The following USH2A variants were observed in gnomAD, a reference collection of about 807,000 sequenced individuals.
USH2A encodes usherin, also known as Usher syndrome 2A (autosomal recessive, mild).
Under a neutral mutation model 538.9 loss-of-function variants are expected in USH2A, and 443 were observed. The observed-to-expected ratio is 0.82, with a 90% confidence interval of 0.76 to 0.89. The LOEUF (loss-of-function observed/expected upper bound fraction) is 0.89. Among genes scored for constraint, USH2A ranks in the 40% least tolerant of loss-of-function variants. USH2A has a pLI of 0.00. For synonymous variants in USH2A, 2,413 were observed against 2,273.5 expected, an observed-to-expected ratio of 1.06 and a Z score of -1.75; for missense variants, 6,633 against 6,324.8, an observed-to-expected ratio of 1.05 and a Z score of -1.65.
chr1:215,896,189 C>T (rs6540916), intron 40 of USH2A, among the ~76,000 whole-genome samples: 62,375 of 151,846 alleles, frequency 0.41, 14,007 homozygotes, highest in African/African-American at 0.6. Flanking sequence ...GCCTCTTAGA[C>T]TAGTGGTTAA....
chr1:215,764,690 G>A (rs1389793494), intron 56 of USH2A, among the ~76,000 whole-genome samples: 1 of 152,024 alleles, frequency 6.6e-6, no homozygotes, highest in Admixed American at 6.6e-5. Flanking sequence ...AATTATATCT[G>A]ATGTACTTCG....
At chr1:215,984,606 G>T (rs1667828291) in intron 35 of USH2A, among the ~76,000 whole-genome samples, 1 of 152,052 alleles carries the variant, frequency 6.6e-6, no homozygotes, top group South Asian at 2.1e-4. Flanking sequence ...ATTTCCTAAG[G>T]TGCTCAATAG....
intron 3 of USH2A, among the ~76,000 whole-genome samples, chr1:216,382,420 A>G (rs1443800252): frequency 1.3e-5 from 2 of 152,174 alleles, no homozygotes; most frequent in African/African-American, 2.4e-5. Flanking sequence ...TAAAGACTAG[A>G]CAGCTCAGTG....
intron 24 of USH2A, among the ~76,000 whole-genome samples, chr1:216,086,316 T>A (rs577445231): frequency 5.9e-5 from 9 of 152,260 alleles, no homozygotes; most frequent in Non-Finnish European, 1.2e-4. Flanking sequence ...TTAGTGCCTA[T>A]CACATAGTAT....
At chr1:215,763,854 G>A (rs964043475) in intron 56 of USH2A, among the ~76,000 whole-genome samples, 5 of 151,768 alleles carry the variant, frequency 3.3e-5, no homozygotes, top group African/African-American at 4.8e-5. Context: ...CGGGAAAGAA[G>A]AACAATTTTT....
intron 38 of USH2A, among the ~76,000 whole-genome samples, chr1:215,909,040 CAT>C (rs1372217211): frequency 6.7e-6 from 1 of 149,640 alleles, no homozygotes; most frequent in Non-Finnish European, 1.5e-5. Flanking sequence ...ATCTACATGT[CAT>C]ATAATTTGTA....
At chr1:216,411,032 C>T (rs1202511273) in intron 3 of USH2A, among the ~76,000 whole-genome samples, 1 of 152,016 alleles carries the variant, frequency 6.6e-6, no homozygotes, top group Non-Finnish European at 1.5e-5. Flanking sequence ...CTTCCTTATC[C>T]TCATCCCTCA....
At chr1:216,194,401 G>T (rs942016839) in intron 19 of USH2A, among the ~76,000 whole-genome samples, 7 of 152,112 alleles carry the variant, frequency 4.6e-5, no homozygotes, top group African/African-American at 1.7e-4. Flanking sequence ...CATGGATCTT[G>T]CTGGTCGCCA....
At chr1:216,104,785 A>C (rs1011024207) in intron 21 of USH2A, among the ~76,000 whole-genome samples, 12 of 152,032 alleles carry the variant, frequency 7.9e-5, no homozygotes, top group Non-Finnish European at 1.6e-4. Flanking sequence ...TCTAAAACAC[A>C]AAAAGCAATG....
At chr1:215,839,356 T>C (rs1344350360) in intron 46 of USH2A, among the ~76,000 whole-genome samples, 1 of 152,216 alleles carries the variant, frequency 6.6e-6, no homozygotes, top group Non-Finnish European at 1.5e-5. Flanking sequence ...CCAAATATTA[T>C]AATGGATATA....
rs776220540 is a variant in USH2A at position 215,741,369 on chromosome 1, T to C, written c.11711+6A>G. ...AACTAAAAATAATAGTAACAGCCAA[T>C]CTTACCTGTAAATAAAGTAGTTGAT... On this transcript the variant is annotated splice_donor_region_variant and intron_variant, in intron 60 of 71. Transcript: ENST00000307340. 2 of 1,614,002 alleles carry C rather than the reference T, an allele frequency of 1.2e-6. No homozygotes were observed. Among genetic ancestry groups the C allele is most frequent in the Non-Finnish European group, 1.7e-6 (2 of 1,179,958 alleles).
intron 43 of USH2A, among the ~76,000 whole-genome samples, chr1:215,870,294 T>TTA (rs1553271301): frequency 1.3e-4 from 20 of 151,298 alleles, no homozygotes; most frequent in African/African-American, 4.9e-4. Flanking sequence ...TTTATTTTTT[T>TTA]TTTATTTATT....
chr1:215,795,559 T>C (rs1470637709), intron 50 of USH2A, among the ~76,000 whole-genome samples: 1 of 152,220 alleles, frequency 6.6e-6, no homozygotes, highest in Non-Finnish European at 1.5e-5. Flanking sequence ...CTAATTCTTT[T>C]AAAAAGCTAC....
intron 21 of USH2A, among the ~76,000 whole-genome samples, chr1:216,151,628 A>G (rs1031198128): frequency 1.3e-5 from 2 of 152,152 alleles, no homozygotes; most frequent in South Asian, 2.1e-4. Flanking sequence ...CTCCAGGCCC[A>G]AGTTGACTCT....
intron 30 of USH2A, among the ~76,000 whole-genome samples, chr1:216,053,622 T>G (rs1318338261): frequency 3.3e-5 from 5 of 152,060 alleles, no homozygotes; most frequent in Non-Finnish European, 7.4e-5. Context: ...GAAGAAACAT[T>G]CAATAAGCAT....
chr1:216,033,668 T>C (rs1217427678), intron 32 of USH2A, among the ~76,000 whole-genome samples: 2 of 152,042 alleles, frequency 1.3e-5, no homozygotes, highest in Non-Finnish European at 2.9e-5. Flanking sequence ...CTGGGCAACA[T>C]GGTGAAACCT....
chr1:215,984,521 G>C (rs1344614731), intron 35 of USH2A, among the ~76,000 whole-genome samples: 3 of 152,126 alleles, frequency 2.0e-5, no homozygotes, highest in Non-Finnish European at 4.4e-5. Flanking sequence ...AGGGAAGCTG[G>C]ATGATAATTG....
At chr1:216,015,561 G>A (rs1373973558) in intron 32 of USH2A, among the ~76,000 whole-genome samples, 2 of 152,182 alleles carry the variant, frequency 1.3e-5, no homozygotes, top group African/African-American at 4.8e-5. Flanking sequence ...AAACTGATCT[G>A]TAGAGTTGAA....
chr1:216,399,197 A>G (rs1159166343), intron 3 of USH2A, among the ~76,000 whole-genome samples: 2 of 152,148 alleles, frequency 1.3e-5, no homozygotes, highest in African/African-American at 4.8e-5. Flanking sequence ...TAACAAGACT[A>G]AACAAGGACA....
Sources: gnomAD v4.1 joint callset for allele counts (sites outside exome capture counted in the v4.1 genomes callset) on GRCh38, gnomAD v4.1.1 for gene constraint, MANE v1.5 for transcripts, NCBI Gene and HGNC (gene_info 2026-07-23, HGNC 2026-07-21) for gene names.